The following MFSD6 variants were observed in gnomAD, a reference collection of about 807,000 sequenced individuals.
MFSD6 encodes the protein major facilitator superfamily domain-containing protein 6.
Under a neutral mutation model 56.3 loss-of-function variants are expected in MFSD6, and 26 were observed. The ratio of observed to expected loss-of-function variants is 0.46; its 90% CI spans 0.34 to 0.64. The LOEUF (loss-of-function observed/expected upper bound fraction) is 0.64. MFSD6 is among the 30% of genes least tolerant of loss of function. The pLI, the probability that MFSD6 is intolerant of heterozygous loss-of-function variation, is 0.01. For synonymous variants in MFSD6, 331 were observed against 366.9 expected, an observed-to-expected ratio of 0.90 and a Z score of 1.12; for missense variants, 750 against 986.2, an observed-to-expected ratio of 0.76 and a Z score of 3.21.
intron 4 of MFSD6, among the ~76,000 whole-genome samples, chr2:190,481,692 A>G (rs1384893632): frequency 6.6e-6 from 1 of 152,250 alleles, no homozygotes; most frequent in Non-Finnish European, 1.5e-5. Context: ...CATAATATAG[A>G]TGCTGAGTAA....
chr2:190,420,314 T>C (rs192758736), intron 2 of MFSD6, among the ~76,000 whole-genome samples: 7 of 152,094 alleles, frequency 4.6e-5, no homozygotes, highest in African/African-American at 1.7e-4. Context: ...TTGAGGGCCC[T>C]CTTCCTGGCT....
chr2:190,479,933 C>T (rs1688565455), intron 4 of MFSD6, among the ~76,000 whole-genome samples: 1 of 152,150 alleles, frequency 6.6e-6, no homozygotes, highest in Non-Finnish European at 1.5e-5. Flanking sequence ...TCTTATTTAG[C>T]ATGCTTATTC....
intron 3 of MFSD6, among the ~76,000 whole-genome samples, chr2:190,440,772 A>T (rs1686343931): frequency 6.6e-6 from 1 of 152,226 alleles, no homozygotes; most frequent in African/African-American, 2.4e-5. Context: ...GGGGGGTTAC[A>T]TTACCTATTA....
intron 3 of MFSD6, among the ~76,000 whole-genome samples, chr2:190,452,581 G>C (rs1338412581): frequency 6.6e-6 from 1 of 152,136 alleles, no homozygotes; most frequent in African/African-American, 2.4e-5. Context: ...CTACCTTATA[G>C]CTTCATAGGC....
chr2:190,479,357 C>T (rs1464698083), intron 4 of MFSD6, among the ~76,000 whole-genome samples: 1 of 152,114 alleles, frequency 6.6e-6, no homozygotes, highest in African/African-American at 2.4e-5. Flanking sequence ...AACATATTTC[C>T]TACCTATAAG....
In MFSD6 at chr2:190,471,785, C is replaced by T. The variant is rs555625650; in HGVS notation, c.1630+1930C>T. On this transcript the variant is annotated intron_variant, in intron 4 of 7. Transcript: ENST00000392328. This position sits in a 1 kb window ranked among gnomAD's most constrained non-coding sequence, Gnocchi z 4.7. ...AGCTTGAGATCTGAGAACAGACAGA[C>T]TGCCTCCTCAAGTGGGTCCCTGACC... Among the ~76,000 whole-genome samples the T allele has an allele frequency of 2.0e-5, 3 of 152,328 alleles. No homozygotes were observed. In the South Asian group the frequency reaches 6.2e-4, roughly 32 times the overall value.
Position 190,500,291 on chromosome 2 carries a change from C to T in MFSD6, c.*73C>T. ...CAGGACACAGGGTGAGGCCCCCCAG[C>T]CAGGATATGCCTCCCCTGGAGGAGC... On this transcript the variant is annotated 3_prime_UTR_variant, in exon 8 of 8. Transcript: ENST00000392328. The surrounding 1 kb of genome is among the most constrained non-coding windows in gnomAD (Gnocchi z 5.3). 1.3e-6 allele frequency: 2 copies of T among 1,502,080 alleles called. No homozygotes were observed. The highest frequency in any genetic ancestry group is 1.8e-6 in the Non-Finnish European group (2 of 1,089,008). 93.0% of individuals were successfully genotyped at this position (1,502,080 alleles called of 1,614,324 possible). A position where few individuals can be genotyped will look rare whatever the true frequency, so the allele number is the denominator to read the frequency against.
rs1355002624 is a variant in MFSD6 at position 190,416,929 on chromosome 2, TTA to T, written c.-54+1520_-54+1521del. Among the ~76,000 whole-genome samples, 1 of 152,190 alleles carries T rather than the reference TTA, an allele frequency of 6.6e-6. No individual in the cohort carries two copies. The highest frequency in any genetic ancestry group is 6.5e-5 in the Admixed American group (1 of 15,274). ...GATCACATTAAACTTTAATAAAAAT[TTA>T]TATGTTTATTGTCATCAGGTGCTTG... On this transcript the variant is annotated intron_variant, in intron 2 of 7. Coordinates refer to ENST00000392328, the MANE Select transcript of MFSD6 (RefSeq NM_017694.4). This position sits in a 1 kb window ranked among gnomAD's most constrained non-coding sequence, Gnocchi z 4.1.
In MFSD6 at chr2:190,492,496, C is replaced by T. The variant is rs1689414702; in HGVS notation, c.1891+2630C>T. Among the ~76,000 whole-genome samples the T allele has an allele frequency of 6.6e-6, 1 of 152,118 alleles. No individual in the cohort carries two copies. Among genetic ancestry groups the T allele is most frequent in the Non-Finnish European group, 1.5e-5 (1 of 68,020 alleles). ...GAAGGGATTGAGGCCCTATGTTCAG[C>T]CTCATAATTAATTTCCATAAATAAA... On this transcript the variant is annotated intron_variant, in intron 6 of 7. Transcript: ENST00000392328. The surrounding 1 kb of genome is among the most constrained non-coding windows in gnomAD (Gnocchi z 5.2).
chr2:190,445,687 T>TC (rs1428023170), intron 3 of MFSD6, among the ~76,000 whole-genome samples: 1 of 152,226 alleles, frequency 6.6e-6, no homozygotes, highest in Non-Finnish European at 1.5e-5. Flanking sequence ...AAGGTCTTTT[T>TC]CCTCTCCTGG....
intron 3 of MFSD6, among the ~76,000 whole-genome samples, chr2:190,448,386 T>TA (rs1199736638): frequency 6.6e-6 from 1 of 152,148 alleles, no homozygotes; most frequent in East Asian, 1.9e-4. Context: ...GTGGCTTTCT[T>TA]ACAGTGAAAA....
At chr2:190,455,304 C>T (rs911169899) in intron 3 of MFSD6, among the ~76,000 whole-genome samples, 1 of 152,068 alleles carries the variant, frequency 6.6e-6, no homozygotes, top group Non-Finnish European at 1.5e-5. Flanking sequence ...TATTAGAAAT[C>T]TAACGTTTTA....
Position 190,454,745 on chromosome 2 carries a change from A to G in MFSD6, c.1533-15013A>G, listed in dbSNP as rs943728704. On this transcript the variant is annotated intron_variant, in intron 3 of 7. Coordinates refer to ENST00000392328, the MANE Select transcript of MFSD6 (RefSeq NM_017694.4). The surrounding 1 kb of genome is among the most constrained non-coding windows in gnomAD (Gnocchi z 4.6). The stretch of plus-strand genomic sequence containing the variant: ...ATTGTCATGGCAGCCCGAGCAAATT[A>G]ATAATGTGTCTAAATAGAGTAAGGA... Among the ~76,000 whole-genome samples the G allele has an allele frequency of 3.9e-5, 6 of 152,146 alleles. No homozygotes were observed. Among genetic ancestry groups the G allele is most frequent in the Non-Finnish European group, 7.3e-5 (5 of 68,034 alleles).
Position 190,413,829 on chromosome 2 carries a change from T to C in MFSD6, c.-175-1463T>C, listed in dbSNP as rs544894953. Among the ~76,000 whole-genome samples, 2 of 152,258 alleles carry C rather than the reference T, an allele frequency of 1.3e-5. No individual in the cohort carries two copies. The highest frequency in any genetic ancestry group is 1.3e-4 in the Admixed American group (2 of 15,284). On this transcript the variant is annotated intron_variant, in intron 1 of 7. Transcript: ENST00000392328. This position sits in a 1 kb window ranked among gnomAD's most constrained non-coding sequence, Gnocchi z 4.1. ...CAATGTACCATGAGCCCTGCTATACTGTGGGGTGAAGAGGAGACATGGCAG... is the reference window on the plus strand; with the variant it reads ...CAATGTACCATGAGCCCTGCTATACCGTGGGGTGAAGAGGAGACATGGCAG...
rs909897633 is a variant in MFSD6, at chr2:190,492,517, A to G, written c.1891+2651A>G. Among the ~76,000 whole-genome samples, 2 of 152,250 alleles carry G rather than the reference A, an allele frequency of 1.3e-5. No homozygotes were observed. Among genetic ancestry groups the G allele is most frequent in the Non-Finnish European group, 2.9e-5 (2 of 68,054 alleles). ...TCAGCCTCATAATTAATTTCCATAAATAAATGGAAATTAAATAACCTCCTG... is the reference window on the plus strand; with the variant it reads ...TCAGCCTCATAATTAATTTCCATAAGTAAATGGAAATTAAATAACCTCCTG... On this transcript the variant is annotated intron_variant, in intron 6 of 7. Coordinates refer to ENST00000392328, the MANE Select transcript of MFSD6 (RefSeq NM_017694.4). The surrounding 1 kb of genome is among the most constrained non-coding windows in gnomAD (Gnocchi z 5.2).
chr2:190,442,667 T>C (rs951248990), intron 3 of MFSD6: 14 of 152,132 alleles, frequency 9.2e-5, no homozygotes, highest in African/African-American at 3.4e-4. Context: ...ACCCCTACAT[T>C]TCCAGCTTGG....
intron 2 of MFSD6, among the ~76,000 whole-genome samples, chr2:190,432,460 G>C (rs1042924969): frequency 6.6e-6 from 1 of 152,152 alleles, no homozygotes; most frequent in East Asian, 1.9e-4. Flanking sequence ...CGTCACCCAG[G>C]CTGGAGAATG....
rs199927176 is a variant in MFSD6 at position 190,482,868 on chromosome 2, C to CTTTTTTTTTTT, written c.1631-5764_1631-5754dup. Among the ~76,000 whole-genome samples, 10 of 48,282 alleles carry CTTTTTTTTTTT rather than the reference C, an allele frequency of 2.1e-4. 2 individuals carry two copies. The highest frequency in any genetic ancestry group is 3.4e-4 in the Non-Finnish European group (9 of 26,188). 31.7% of individuals were successfully genotyped at this position (48,282 alleles called of 152,430 possible). A position where few individuals can be genotyped will look rare whatever the true frequency, so the allele number is the denominator to read the frequency against. ...GGAGAAGAGTTATTAAGACTATCATCTTTTTTTTTTTTTTTTTTTTTTTTT... is the reference window on the plus strand; with the variant it reads ...GGAGAAGAGTTATTAAGACTATCATCTTTTTTTTTTTTTTTTTTTTTTTTTTTTTTTTTTTT... On this transcript the variant is annotated intron_variant, in intron 4 of 7. Coordinates refer to ENST00000392328, the MANE Select transcript of MFSD6 (RefSeq NM_017694.4).
At position 190,462,803 on chromosome 2, in the gene MFSD6, T is replaced by C. The variant is rs1279456971; in HGVS notation, c.1533-6955T>C. ...AGAGAGATACTGTCAGCCCTGCTAC[T>C]TCTAGATAAGCACTTGGTCTGAACA... On this transcript the variant is annotated intron_variant, in intron 3 of 7. Coordinates refer to ENST00000392328, the MANE Select transcript of MFSD6 (RefSeq NM_017694.4). This position sits in a 1 kb window ranked among gnomAD's most constrained non-coding sequence, Gnocchi z 5.7. Among the ~76,000 whole-genome samples, 2 of 152,200 alleles carry C rather than the reference T, an allele frequency of 1.3e-5. No homozygotes were observed. Among genetic ancestry groups the C allele is most frequent in the African/African-American group, 2.4e-5 (1 of 41,448 alleles).
Sources: allele counts gnomAD v4.1 joint callset (sites outside exome capture counted in the v4.1 genomes callset), GRCh38; gene constraint gnomAD v4.1.1; non-coding constraint Gnocchi (gnomAD v3.1); transcripts MANE v1.5; gene names NCBI Gene and HGNC (gene_info 2026-07-23, HGNC 2026-07-21).